MAGI2: variants seen among roughly 807,000 people sequenced by gnomAD.
The protein encoded by MAGI2 is membrane-associated guanylate kinase, WW and PDZ domain-containing protein 2.
A neutral mutation model predicts 133.3 loss-of-function variants in MAGI2; 35 were observed. That is an observed-to-expected ratio of 0.26 (90% confidence interval 0.20 to 0.35). The LOEUF is 0.35. Among genes scored for constraint, MAGI2 ranks in the 10% least tolerant of loss-of-function variants. The probability of loss-of-function intolerance (pLI) is 1.00; values close to 1 mark genes in which losing one functional copy is unlikely to be tolerated. For synonymous variants in MAGI2, 729 were observed against 710.6 expected (o/e 1.03, Z -0.41); for missense variants, 1,636 against 1,863.4 (o/e 0.88, Z 2.25).
At chr7:78,338,426 G>C (rs2691513) in intron 9 of MAGI2, among the ~76,000 whole-genome samples, 1 of 151,904 alleles carries the variant, frequency 6.6e-6, no homozygotes, top group African/African-American at 2.4e-5. Flanking sequence ...CCAGCAGAAC[G>C]GATTCCCCCT....
intron 12 of MAGI2, among the ~76,000 whole-genome samples, chr7:78,186,017 A>G (rs1333235578): frequency 6.6e-6 from 1 of 152,194 alleles, no homozygotes; most frequent in Non-Finnish European, 1.5e-5. Flanking sequence ...AAAGGTATAC[A>G]GAAAATATAG....
At chr7:79,344,756 G>T (rs1918930) in intron 1 of MAGI2, among the ~76,000 whole-genome samples, 131,659 of 151,978 alleles carry the variant, frequency 0.87, 57,165 homozygotes, top group East Asian at 0.96. Flanking sequence ...AAGAAGCCAC[G>T]GAAAGTTATT....
chr7:78,443,520 T>C (rs968472879), intron 6 of MAGI2, among the ~76,000 whole-genome samples: 5 of 152,188 alleles, frequency 3.3e-5, no homozygotes, highest in Middle Eastern at 3.2e-3. Flanking sequence ...TATAAACATT[T>C]TCTAAGTTGA....
chr7:78,530,190 C>G (rs1007901605), intron 3 of MAGI2, among the ~76,000 whole-genome samples: 1 of 152,092 alleles, frequency 6.6e-6, no homozygotes, highest in African/African-American at 2.4e-5. Flanking sequence ...ACTGAGAAAA[C>G]TGAGTAAACA....
chr7:78,564,783 C>CCTTTTT (rs1800760975), intron 3 of MAGI2, among the ~76,000 whole-genome samples: 1 of 64,318 alleles, frequency 1.6e-5, no homozygotes, highest in Non-Finnish European at 2.8e-5. Context: ...CTTTGACATT[C>CCTTTTT]TTTTTTTTTT....
intron 2 of MAGI2, among the ~76,000 whole-genome samples, chr7:78,646,215 A>G (rs1366116471): frequency 6.6e-6 from 1 of 152,174 alleles, no homozygotes; most frequent in East Asian, 1.9e-4. Flanking sequence ...CTGGGCAAAG[A>G]TAGAAAAATA....
At chr7:78,507,647 G>A (rs924364724) in intron 4 of MAGI2, among the ~76,000 whole-genome samples, 1 of 152,152 alleles carries the variant, frequency 6.6e-6, no homozygotes, top group African/African-American at 2.4e-5. Context: ...GATACTCAAT[G>A]ACATAAAATA....
chr7:78,890,834 A>G (rs1350429505), intron 2 of MAGI2, among the ~76,000 whole-genome samples: 1 of 152,130 alleles, frequency 6.6e-6, no homozygotes, highest in Non-Finnish European at 1.5e-5. Flanking sequence ...AAGCAAGAGC[A>G]AACACATTCA....
chr7:79,442,595 G>T (rs772827761), intron 1 of MAGI2, among the ~76,000 whole-genome samples: 7 of 152,046 alleles, frequency 4.6e-5, no homozygotes, highest in Non-Finnish European at 8.8e-5. Context: ...AGAAAAAGGA[G>T]ATCCAACTAT....
chr7:79,343,887 C>T (rs1431052387), intron 1 of MAGI2, among the ~76,000 whole-genome samples: 1 of 152,136 alleles, frequency 6.6e-6, no homozygotes, highest in Non-Finnish European at 1.5e-5. Flanking sequence ...CAATTACATC[C>T]ATCCATGTAT....
chr7:78,615,618 T>A (rs188621246), intron 3 of MAGI2: 2 of 152,240 alleles, frequency 1.3e-5, no homozygotes, highest in African/African-American at 4.8e-5. Flanking sequence ...AAAGGGCAGG[T>A]TTCTCTCGCC....
chr7:78,066,412 A>ACATAGCACCACTGCAC (rs1813828487), intron 21 of MAGI2, among the ~76,000 whole-genome samples: 1 of 151,864 alleles, frequency 6.6e-6, no homozygotes, highest in Non-Finnish European at 1.5e-5. Context: ...CAGTGAGCCG[A>ACATAGCACCACTGCAC]CATAGCACCA....
intron 2 of MAGI2, among the ~76,000 whole-genome samples, chr7:78,840,395 C>G (rs990494231): frequency 6.6e-6 from 1 of 152,004 alleles, no homozygotes; most frequent in Non-Finnish European, 1.5e-5. Flanking sequence ...TCCTGGAATG[C>G]TTGTTAAAAC....
chr7:78,423,972 C>T (rs182451339), intron 6 of MAGI2, among the ~76,000 whole-genome samples: 6 of 152,206 alleles, frequency 3.9e-5, no homozygotes, highest in East Asian at 3.9e-4. Context: ...TTTTCTGAGG[C>T]GAAATTGAAG....
chr7:78,879,487 C>A (rs1795677619), intron 2 of MAGI2, among the ~76,000 whole-genome samples: 1 of 151,892 alleles, frequency 6.6e-6, no homozygotes, highest in Non-Finnish European at 1.5e-5. Context: ...AACCAAAAGA[C>A]CCTACCCAAC....
intron 9 of MAGI2, among the ~76,000 whole-genome samples, chr7:78,273,512 T>A (rs913643334): frequency 1.3e-5 from 2 of 152,210 alleles, no homozygotes; most frequent in African/African-American, 2.4e-5. Context: ...TTCTCCTGGA[T>A]GATATCCTGA....
chr7:79,391,781 T>A (rs2129152128), intron 1 of MAGI2, among the ~76,000 whole-genome samples: 1 of 151,976 alleles, frequency 6.6e-6, no homozygotes, highest in Admixed American at 6.5e-5. Flanking sequence ...GCCTCCTGGT[T>A]CACACCATTC....
chr7:78,128,800 G>A (rs1821254042), intron 18 of MAGI2, among the ~76,000 whole-genome samples: 1 of 152,128 alleles, frequency 6.6e-6, no homozygotes, highest in Non-Finnish European at 1.5e-5. Context: ...ACTTAACCCT[G>A]CAGAGGAGAG....
intron 1 of MAGI2, among the ~76,000 whole-genome samples, chr7:79,222,694 T>G (rs1406266420): frequency 6.6e-6 from 1 of 152,040 alleles, no homozygotes; most frequent in African/African-American, 2.4e-5. Context: ...TCCTAACAGA[T>G]GGCAGCCCTT....
Sources: allele counts gnomAD v4.1 joint callset (sites outside exome capture counted in the v4.1 genomes callset), GRCh38; gene constraint gnomAD v4.1.1; transcripts MANE v1.5; gene names NCBI Gene and HGNC (gene_info 2026-07-23, HGNC 2026-07-21).